VPS53: variants seen among roughly 807,000 people sequenced by gnomAD.
The protein encoded by VPS53 is VPS53 subunit of GARP complex.
Under a neutral mutation model 107.0 loss-of-function variants are expected in VPS53, and 70 were observed. That is an observed-to-expected ratio of 0.65 (90% CI 0.54 to 0.80). VPS53 has a LOEUF of 0.80. Ranked by LOEUF, VPS53 falls within the 30% of genes least tolerant of loss-of-function variation. The pLI, the probability that VPS53 is intolerant of heterozygous loss-of-function variation, is 0.00. For synonymous variants in VPS53, 409 were observed against 393.3 expected (o/e 1.04, Z -0.47); for missense variants, 917 against 1,049.4 (o/e 0.87, Z 1.74).
chr17:657,300 A>C (rs1971232227), intron 5 of VPS53: 1 of 797,680 alleles, frequency 1.3e-6, no homozygotes, highest in South Asian at 1.5e-5. Context: ...TGTCTTGTCA[A>C]TGCTGATGAC....
intron 8 of VPS53, among the ~76,000 whole-genome samples, chr17:629,809 CCACACACACACACACACACA>C (rs61004817): frequency 7.1e-6 from 1 of 140,794 alleles, no homozygotes; most frequent in Non-Finnish European, 1.5e-5. Flanking sequence ...AAAAAAAAAA[CCACACACACACACACACACA>C]CACACACACA....
At chr17:708,318 A>AG (rs1461384976) in intron 2 of VPS53, among the ~76,000 whole-genome samples, 1 of 152,216 alleles carries the variant, frequency 6.6e-6, no homozygotes, top group Non-Finnish European at 1.5e-5. Context: ...TCCACGTGAC[A>AG]GGGGGCCCTT....
chr17:518,770 A>G lies in VPS53; in HGVS notation c.*358T>C, dbSNP rs1280305620. ...TGACAGAGCGAGACTCTGTCTCAAA[A>G]AAAAAAAAAAAAAAAAAAAAAAAGG... On this transcript the variant is annotated 3_prime_UTR_variant, in exon 22 of 22. Coordinates refer to ENST00000437048, the MANE Select transcript of VPS53 (RefSeq NM_001128159.3). The G allele has an allele frequency of 9.0e-6, 1 of 110,598 alleles. No individual in the cohort carries two copies. The highest frequency in any genetic ancestry group is 9.8e-5 in the Admixed American group (1 of 10,222). 6.9% of individuals were successfully genotyped at this position (110,598 alleles called of 1,614,324 possible).
chr17:611,038 T>G (rs916280452), intron 11 of VPS53, among the ~76,000 whole-genome samples: 6 of 151,992 alleles, frequency 3.9e-5, no homozygotes, highest in African/African-American at 1.4e-4. Context: ...GCAAAAAATG[T>G]GAATAGACAT....
At chr17:678,011 C>T (rs547851706) in intron 4 of VPS53, among the ~76,000 whole-genome samples, 2 of 152,144 alleles carry the variant, frequency 1.3e-5, no homozygotes, top group African/African-American at 4.8e-5. Flanking sequence ...GTCCCAGCTA[C>T]TCAGGAGGCT....
At chr17:644,608 C>T (rs987422919) in intron 7 of VPS53, among the ~76,000 whole-genome samples, 12 of 151,278 alleles carry the variant, frequency 7.9e-5, no homozygotes, top group Non-Finnish European at 1.8e-4. Flanking sequence ...TCCCCCGAGA[C>T]GGGTCTGCTT....
intron 3 of VPS53, 91 bp from the exon 4 acceptor site, chr17:697,575 A>G (rs1973023304): frequency 2.0e-6 from 2 of 1,001,940 alleles, no homozygotes; most frequent in Admixed American, 1.9e-5. Flanking sequence ...TTATTCATCA[A>G]CTTCTGCAGA....
chr17:604,422 G>C (rs559447582), intron 11 of VPS53, among the ~76,000 whole-genome samples: 1 of 152,174 alleles, frequency 6.6e-6, no homozygotes, highest in South Asian at 2.1e-4. Context: ...CCGGTGTAAA[G>C]CATCAAGAAA....
rs536709414 is a variant in VPS53, at chr17:553,433, A to G, written c.1734T>C (p.Asp578=). Residue 578 remains aspartate, a synonymous_variant, in exon 16 of 22, where the codon GAT becomes GAC. Coordinates refer to ENST00000437048, the MANE Select transcript of VPS53 (RefSeq NM_001128159.3). ...QLEEKLKEKV[D]VSLIERINLT... ...GATTGATTCGTTCAATCAGACTTAC[A>G]TCCACTTTTTCTTTGAGTTTTTCTT... 12 of 1,614,148 alleles carry G rather than the reference A, an allele frequency of 7.4e-6. No homozygotes were observed. In the African/African-American group the frequency reaches 1.1e-4, roughly 14 times the overall value.
At chr17:583,379 G>A (rs72808283) in intron 13 of VPS53, among the ~76,000 whole-genome samples, 32,202 of 131,206 alleles carry the variant, frequency 0.25, 4,048 homozygotes, top group Non-Finnish European at 0.31. Context: ...CTTCCCTCAC[G>A]ACCTAATGCG....
intron 11 of VPS53, among the ~76,000 whole-genome samples, chr17:621,422 AT>A (rs1164597675): frequency 6.6e-6 from 1 of 151,606 alleles, no homozygotes; most frequent in Non-Finnish European, 1.5e-5. Flanking sequence ...ACATGTATGG[AT>A]TTTTTTTTAG....
chr17:591,210 G>A (rs1967627540), intron 12 of VPS53, among the ~76,000 whole-genome samples: 1 of 152,086 alleles, frequency 6.6e-6, no homozygotes, highest in South Asian at 2.1e-4. Flanking sequence ...TATTTCTGTG[G>A]GATCGGTGGT....
At chr17:598,599 G>C (rs1285812309) in intron 12 of VPS53, among the ~76,000 whole-genome samples, 1 of 143,472 alleles carries the variant, frequency 7.0e-6, no homozygotes, top group Non-Finnish European at 1.5e-5. Context: ...TGTGGGGAGC[G>C]CCTCTGCCCT....
At chr17:639,166 T>C (rs1970323233) in intron 7 of VPS53, among the ~76,000 whole-genome samples, 1 of 152,234 alleles carries the variant, frequency 6.6e-6, no homozygotes, top group South Asian at 2.1e-4. Flanking sequence ...TTTCATTCAT[T>C]CGATCTTCAA....
chr17:606,496 T>C (rs1230600500), intron 11 of VPS53, among the ~76,000 whole-genome samples: 1 of 151,788 alleles, frequency 6.6e-6, no homozygotes, highest in African/African-American at 2.4e-5. Context: ...GATGGGATGA[T>C]GCGTGCGTGT....
chr17:546,027 C>A (rs1345531001), intron 17 of VPS53, among the ~76,000 whole-genome samples: 2 of 152,130 alleles, frequency 1.3e-5, no homozygotes, highest in African/African-American at 4.8e-5. Flanking sequence ...TGGAATAGAA[C>A]TGAGAGTCCA....
chr17:519,239 T>A lies in VPS53; in HGVS notation c.2388A>T (p.Ala796=), dbSNP rs905725522. 1.3e-6 allele frequency: 2 copies of A among 1,546,320 alleles called. No individual in the cohort carries two copies. Among genetic ancestry groups the A allele is most frequent in the South Asian group, 2.4e-5 (2 of 83,530 alleles). ...CGGAGCTTTCTGCCCCCGAGGGCGG[T>A]GCGGGGAGCCGCTGGCGCAGGAGTT... ...MLELLRQRLP[A]PPSGAESSGS... is the part of the protein sequence containing the mutation. The change falls in exon 22 of 22, where the codon GCA becomes GCT. Residue 796 remains alanine, a synonymous_variant. Coordinates refer to ENST00000437048, the MANE Select transcript of VPS53 (RefSeq NM_001128159.3). This position sits in a 1 kb window ranked among gnomAD's most constrained non-coding sequence, Gnocchi z 5.0.
intron 4 of VPS53, among the ~76,000 whole-genome samples, chr17:665,554 G>C (rs923991962): frequency 2.0e-5 from 3 of 152,194 alleles, no homozygotes; most frequent in South Asian, 2.1e-4. Context: ...GACAGATGTG[G>C]AACAGTCTTG....
chr17:633,195 C>T (rs947759744), intron 7 of VPS53, among the ~76,000 whole-genome samples: 1 of 152,132 alleles, frequency 6.6e-6, no homozygotes, highest in East Asian at 1.9e-4. Flanking sequence ...GATCAGGCCC[C>T]GCAATCACGT....
Sources: gnomAD v4.1 joint callset for allele counts (sites outside exome capture counted in the v4.1 genomes callset) on GRCh38, gnomAD v4.1.1 for gene constraint, Gnocchi (gnomAD v3.1) non-coding constraint, MANE v1.5 for transcripts, NCBI Gene and HGNC (gene_info 2026-07-23, HGNC 2026-07-21) for gene names.